The following PCNX2 variants were observed in gnomAD, a reference collection of about 807,000 sequenced individuals.
The protein encoded by PCNX2 is pecanex 2, also known as pecanex-like protein 2.
A neutral mutation model predicts 223.8 loss-of-function variants in PCNX2; 168 were observed. The observed-to-expected ratio is 0.75, with a 90% confidence interval of 0.66 to 0.85. The LOEUF is 0.85. Among genes scored for constraint, PCNX2 ranks in the 40% least tolerant of loss-of-function variants. The pLI, the probability that PCNX2 is intolerant of heterozygous loss-of-function variation, is 0.00. For missense variants in PCNX2, 2,507 were observed against 2,675.5 expected, an observed-to-expected ratio of 0.94 and a Z score of 1.39; for synonymous variants, 1,006 against 1,052.6, an observed-to-expected ratio of 0.96 and a Z score of 0.86.
At chr1:233,180,324 C>T (rs1242710220) in intron 15 of PCNX2, among the ~76,000 whole-genome samples, 1 of 152,158 alleles carries the variant, frequency 6.6e-6, no homozygotes, top group African/African-American at 2.4e-5. Context: ...CATGTTACCA[C>T]CCCAACCAGT....
At chr1:233,237,691 T>C (rs1481675657) in intron 8 of PCNX2, among the ~76,000 whole-genome samples, 1 of 152,182 alleles carries the variant, frequency 6.6e-6, no homozygotes, top group Non-Finnish European at 1.5e-5. Flanking sequence ...TAGGAGACAA[T>C]GTTGGCTGCC....
intron 17 of PCNX2, among the ~76,000 whole-genome samples, chr1:233,169,132 TAA>T (rs1678980597): frequency 6.6e-6 from 1 of 152,156 alleles, no homozygotes; most frequent in Admixed American, 6.5e-5. Flanking sequence ...TTAACTTTCC[TAA>T]GTTTGCCACA....
intron 25 of PCNX2, among the ~76,000 whole-genome samples, chr1:233,036,118 C>T (rs1429053576): frequency 6.6e-6 from 1 of 152,182 alleles, no homozygotes; most frequent in African/African-American, 2.4e-5. Flanking sequence ...ACCACCCTCC[C>T]TCCCTGCCCC....
At chr1:233,244,120 C>T (rs1658958182) in intron 8 of PCNX2, among the ~76,000 whole-genome samples, 3 of 152,236 alleles carry the variant, frequency 2.0e-5, no homozygotes, top group African/African-American at 7.2e-5. Flanking sequence ...TGAGCCACCA[C>T]ACCAGGCCCA....
At chr1:233,033,917 T>C (rs763756399) in intron 25 of PCNX2, among the ~76,000 whole-genome samples, 2 of 152,068 alleles carry the variant, frequency 1.3e-5, no homozygotes, top group Non-Finnish European at 2.9e-5. Context: ...GGTGATGGTA[T>C]TAGAAGGTGG....
intron 19 of PCNX2, among the ~76,000 whole-genome samples, chr1:233,144,522 T>G (rs1447801533): frequency 6.6e-6 from 1 of 152,238 alleles, no homozygotes; most frequent in African/African-American, 2.4e-5. Flanking sequence ...AGTTCCTTTT[T>G]GTTCCACATC....
At chr1:233,222,797 T>G (rs1314808094) in intron 10 of PCNX2, among the ~76,000 whole-genome samples, 1 of 152,140 alleles carries the variant, frequency 6.6e-6, no homozygotes, top group Non-Finnish European at 1.5e-5. Flanking sequence ...TTTCATCACC[T>G]GAGATGGGGA....
In PCNX2 at chr1:233,014,684, C is replaced by T. The variant is rs769718791; in HGVS notation, c.4933G>A (p.Ala1645Thr). 49 of 1,613,722 alleles carry T rather than the reference C, an allele frequency of 3.0e-5. No homozygotes were observed. The highest frequency in any genetic ancestry group is 1.6e-4 in the Middle Eastern group (1 of 6,070). The change falls in exon 28 of 34, where the codon GCT (alanine) becomes ACT (threonine). Residue 1645 changes from alanine (A) to threonine (T), a missense_variant. Physicochemically the swap from Ala to Thr is moderately conservative, Grantham distance 58. This residue lies in a region of PCNX2 where 1,372 missense variants were observed against 1,509.4 expected (regional missense o/e 0.91). Coordinates refer to ENST00000258229, the MANE Select transcript of PCNX2 (RefSeq NM_014801.4). The stretch of plus-strand genomic sequence containing the variant: ...AGGTACCTGATGGCCATATTGTGAG[C>T]GGCTGTTCCCAGAGCTCTCCTCCCC... ...TLGRRALGTA[A>T]HNMAISLDSF...
intron 23 of PCNX2, among the ~76,000 whole-genome samples, chr1:233,074,793 T>C (rs942639817): frequency 2.0e-5 from 3 of 152,052 alleles, no homozygotes; most frequent in African/African-American, 7.2e-5. Context: ...GAAGAGACTA[T>C]AGAGATGGCA....
At chr1:233,171,114 C>T (rs1209961344) in intron 17 of PCNX2, among the ~76,000 whole-genome samples, 1 of 151,574 alleles carries the variant, frequency 6.6e-6, no homozygotes, top group Non-Finnish European at 1.5e-5. Flanking sequence ...CATTTCTCCT[C>T]TCGTCTAAAC....
At chr1:232,985,738 A>G in intron 33 of PCNX2, 3 of 548,290 alleles carry the variant, frequency 5.5e-6, no homozygotes, top group Non-Finnish European at 9.7e-6. Flanking sequence ...CCCTCAGGCC[A>G]GAATCATGTG....
chr1:233,152,512 T>C (rs1379234391), intron 19 of PCNX2, among the ~76,000 whole-genome samples: 1 of 152,184 alleles, frequency 6.6e-6, no homozygotes, highest in Non-Finnish European at 1.5e-5. Flanking sequence ...AGTTTTATGT[T>C]CCAAAATCAG....
intron 9 of PCNX2, 30 bp downstream of exon 9, chr1:233,236,815 C>A (rs371161887): frequency 3.7e-6 from 6 of 1,603,822 alleles, no homozygotes; most frequent in African/African-American, 1.3e-5. Flanking sequence ...TCCAGAACAT[C>A]CACAAACAGC....
intron 8 of PCNX2, among the ~76,000 whole-genome samples, chr1:233,244,889 CA>C (rs1659009137): frequency 6.6e-6 from 1 of 152,222 alleles, no homozygotes; most frequent in Non-Finnish European, 1.5e-5. Flanking sequence ...ATTGATCTGG[CA>C]AACTGCTAGT....
chr1:233,295,587 CCGT>C lies in PCNX2; in HGVS notation c.-112_-110del. 1 of 1,170,756 alleles carries C rather than the reference CCGT, an allele frequency of 8.5e-7. No homozygotes were observed. Among genetic ancestry groups the C allele is most frequent in the Non-Finnish European group, 1.1e-6 (1 of 919,246 alleles). The allele number at this position is 1,170,756 out of a possible 1,614,324, so 72.5% of individuals were successfully genotyped here. Reference sequence around the variant, plus strand: ...CCCGGGCCCGCGGGCCGCGCCCCCGCCGTCGCCGCCGCCGTCGCCCCCGCCGCC... The same window carrying C: ...CCCGGGCCCGCGGGCCGCGCCCCCGCCGCCGCCGCCGTCGCCCCCGCCGCC... On this transcript the variant is annotated 5_prime_UTR_variant, in exon 1 of 34. Coordinates refer to ENST00000258229, the MANE Select transcript of PCNX2 (RefSeq NM_014801.4). This position sits in a 1 kb window ranked among gnomAD's most constrained non-coding sequence, Gnocchi z 4.1.
intron 23 of PCNX2, among the ~76,000 whole-genome samples, chr1:233,071,239 G>A (rs188309287): frequency 7.9e-5 from 12 of 152,194 alleles, no homozygotes; most frequent in Non-Finnish European, 1.5e-4. Flanking sequence ...ATGAGGGCTT[G>A]TTGTATAGAT....
intron 25 of PCNX2, among the ~76,000 whole-genome samples, chr1:233,030,392 T>C (rs958092505): frequency 1.3e-5 from 2 of 152,178 alleles, no homozygotes; most frequent in African/African-American, 4.8e-5. Flanking sequence ...CTATAAAATC[T>C]TTGAGTGTGT....
chr1:233,252,262 G>A lies in PCNX2; in HGVS notation c.2128+92C>T, dbSNP rs938038640. The A allele has an allele frequency of 3.5e-6, 5 of 1,408,604 alleles. No homozygotes were observed. In the African/African-American group the frequency reaches 7.1e-5, roughly 20 times the overall value. The allele number at this position is 1,408,604 out of a possible 1,614,324, so 87.3% of individuals were successfully genotyped here. The stretch of plus-strand genomic sequence containing the variant: ...CAGGGTTAAGTCTTCCAGTTCTCAA[G>A]TCTAGTACTCATGCTAAGGTATCAC... On this transcript the variant is annotated intron_variant, in intron 7 of 33. Transcript: ENST00000258229.
chr1:233,108,381 G>T (rs1156324547), intron 21 of PCNX2, among the ~76,000 whole-genome samples: 1 of 152,222 alleles, frequency 6.6e-6, no homozygotes, highest in African/African-American at 2.4e-5. Context: ...TGGGGCAGAT[G>T]CAACCAAAGC....
Sources: gnomAD v4.1 joint callset for allele counts (sites outside exome capture counted in the v4.1 genomes callset) on GRCh38, gnomAD v4.1.1 for gene constraint, gnomAD v4.1.1 regional missense constraint, Gnocchi (gnomAD v3.1) non-coding constraint, MANE v1.5 for transcripts, NCBI Gene and HGNC (gene_info 2026-07-23, HGNC 2026-07-21) for gene names.